The following ATP8A1 variants were observed in gnomAD, a reference collection of about 807,000 sequenced individuals.
ATP8A1 encodes phospholipid-transporting ATPase IA.
A neutral mutation model predicts 177.7 loss-of-function variants in ATP8A1; 90 were observed. That is an observed-to-expected ratio of 0.51 (90% CI 0.43 to 0.60). The LOEUF (loss-of-function observed/expected upper bound fraction) is 0.60, where lower values mean the gene tolerates loss of function less well. ATP8A1 is among the 20% of genes least tolerant of loss of function. The probability of loss-of-function intolerance (pLI) is 0.00; values close to 1 mark genes in which losing one functional copy is unlikely to be tolerated. For missense variants in ATP8A1, 1,072 were observed against 1,392.8 expected (o/e 0.77, Z 3.67); for synonymous variants, 493 against 485.9 (o/e 1.01, Z -0.19).
chr4:42,461,625 T>A (rs996531135), intron 27 of ATP8A1, among the ~76,000 whole-genome samples: 1 of 152,180 alleles, frequency 6.6e-6, no homozygotes, highest in Non-Finnish European at 1.5e-5. Context: ...GTTTTGGGTA[T>A]GTCTTCATCA....
chr4:42,416,002 C>T (rs1349930313), intron 35 of ATP8A1, among the ~76,000 whole-genome samples: 1 of 152,200 alleles, frequency 6.6e-6, no homozygotes, highest in African/African-American at 2.4e-5. Context: ...AAATTAGCTA[C>T]ATGAAGGCAA....
intron 25 of ATP8A1, among the ~76,000 whole-genome samples, chr4:42,480,920 CGAT>C (rs1384438456): frequency 5.3e-5 from 8 of 152,134 alleles, no homozygotes; most frequent in Admixed American, 3.3e-4. Flanking sequence ...TTATGTAGAA[CGAT>C]GATTACTAGA....
intron 7 of ATP8A1, chr4:42,588,746 A>G (rs1733877800): frequency 6.5e-6 from 1 of 153,498 alleles, no homozygotes; most frequent in Non-Finnish European, 1.5e-5. Context: ...AAATTGGTTA[A>G]GAAAGTGGTT....
At chr4:42,463,647 T>C (rs936208598) in intron 27 of ATP8A1, among the ~76,000 whole-genome samples, 5 of 152,194 alleles carry the variant, frequency 3.3e-5, no homozygotes, top group Non-Finnish European at 5.9e-5. Context: ...TACAAAATTG[T>C]TTACAGAACA....
At chr4:42,479,382 T>C (rs888713176) in intron 25 of ATP8A1, among the ~76,000 whole-genome samples, 4 of 152,194 alleles carry the variant, frequency 2.6e-5, no homozygotes, top group African/African-American at 9.7e-5. Flanking sequence ...CAGATCCGTT[T>C]ACTGAAAAGG....
intron 9 of ATP8A1, 106 bp from the exon 10 acceptor site, chr4:42,581,838 ATATT>A: frequency 1.3e-6 from 1 of 794,286 alleles, no homozygotes; most frequent in East Asian, 2.6e-5. Context: ...AACCCTTCTC[ATATT>A]TATTTCTGGA....
intron 20 of ATP8A1, among the ~76,000 whole-genome samples, chr4:42,530,606 A>C (rs1037951588): frequency 6.6e-6 from 1 of 152,192 alleles, no homozygotes; most frequent in Non-Finnish European, 1.5e-5. Context: ...CAGTGGGCTC[A>C]CTGGTCTTAC....
chr4:42,600,549 ACAT>A (rs1449340655), intron 5 of ATP8A1, 31 bp from the exon 6 acceptor site: 1 of 1,596,722 alleles, frequency 6.3e-7, no homozygotes, highest in Non-Finnish European at 8.5e-7. Context: ...ATTTTAAACA[ACAT>A]GTTTTACTAT....
chr4:42,584,608 CA>C (rs2109352190), intron 9 of ATP8A1, among the ~76,000 whole-genome samples: 1 of 152,316 alleles, frequency 6.6e-6, no homozygotes, highest in East Asian at 1.9e-4. Context: ...CCATCTCTTT[CA>C]CTAGTGCCTT....
At chr4:42,471,392 G>C (rs905139881) in intron 25 of ATP8A1, among the ~76,000 whole-genome samples, 1 of 152,170 alleles carries the variant, frequency 6.6e-6, no homozygotes, top group South Asian at 2.1e-4. Context: ...GACAAAAAAG[G>C]AAAGCAAATT....
chr4:42,516,768 A>C (rs970519184), intron 22 of ATP8A1, among the ~76,000 whole-genome samples: 1 of 152,220 alleles, frequency 6.6e-6, no homozygotes, highest in Non-Finnish European at 1.5e-5. Context: ...CATAGTATGA[A>C]TATGAGACAA....
At chr4:42,451,030 A>G (rs1429049536) in intron 30 of ATP8A1, among the ~76,000 whole-genome samples, 3 of 152,164 alleles carry the variant, frequency 2.0e-5, no homozygotes, top group African/African-American at 4.8e-5. Flanking sequence ...GAGAGAGCCA[A>G]TTCGAATATC....
intron 24 of ATP8A1, among the ~76,000 whole-genome samples, chr4:42,493,327 C>G (rs1421222063): frequency 6.6e-6 from 1 of 152,060 alleles, no homozygotes; most frequent in East Asian, 1.9e-4. Flanking sequence ...CATTATTCAC[C>G]TTCTTGGAAA....
At chr4:42,430,685 T>C (rs1715187432) in intron 33 of ATP8A1, among the ~76,000 whole-genome samples, 1 of 152,222 alleles carries the variant, frequency 6.6e-6, no homozygotes, top group Non-Finnish European at 1.5e-5. Flanking sequence ...CGTGTCCATG[T>C]GTTGTCATCA....
chr4:42,416,654 C>T (rs901637343), intron 35 of ATP8A1, among the ~76,000 whole-genome samples: 6 of 152,016 alleles, frequency 3.9e-5, no homozygotes, highest in Non-Finnish European at 8.8e-5. Context: ...TTTAATTTTG[C>T]GTTGGCTGCT....
chr4:42,472,134 C>G (rs1720491859), intron 25 of ATP8A1: 1 of 655,628 alleles, frequency 1.5e-6, no homozygotes. Context: ...TTGAAAAAGC[C>G]ATACAAAAAA....
At chr4:42,525,459 C>T (rs559483444) in intron 20 of ATP8A1, among the ~76,000 whole-genome samples, 6 of 152,220 alleles carry the variant, frequency 3.9e-5, no homozygotes, top group Admixed American at 1.3e-4. Flanking sequence ...TGTGGGAGAA[C>T]CTCGAACAAC....
chr4:42,578,958 A>G (rs1159609539), intron 11 of ATP8A1, among the ~76,000 whole-genome samples: 1 of 152,130 alleles, frequency 6.6e-6, no homozygotes, highest in African/African-American at 2.4e-5. Context: ...TGATACTGAA[A>G]TAATAAATCA....
chr4:42,474,904 G>GA (rs144311991), intron 25 of ATP8A1, among the ~76,000 whole-genome samples: 45 of 144,632 alleles, frequency 3.1e-4, no homozygotes, highest in Non-Finnish European at 4.3e-4. Context: ...GTTAGGGGGA[G>GA]AAAAAAAAAA....
Sources: allele counts gnomAD v4.1 joint callset (sites outside exome capture counted in the v4.1 genomes callset), GRCh38; gene constraint gnomAD v4.1.1; transcripts MANE v1.5; gene names NCBI Gene and HGNC (gene_info 2026-07-23, HGNC 2026-07-21).